ATF7IP: variants seen among roughly 807,000 people sequenced by gnomAD.
ATF7IP encodes activating transcription factor 7-interacting protein 1.
ATF7IP carries 23 observed loss-of-function variants against 106.4 expected under a neutral mutation model. That is an observed-to-expected ratio of 0.22 (90% CI 0.16 to 0.31). ATF7IP has a LOEUF of 0.31. ATF7IP is among the 10% of genes least tolerant of loss of function. The pLI is 1.00. For synonymous variants in ATF7IP, 542 were observed against 539.0 expected (o/e 1.01, Z -0.08); for missense variants, 1,334 against 1,524.3 (o/e 0.88, Z 2.08).
intron 12 of ATF7IP, among the ~76,000 whole-genome samples, chr12:14,480,117 T>TAA (rs1944387425): frequency 6.6e-6 from 1 of 152,130 alleles, no homozygotes; most frequent in Non-Finnish European, 1.5e-5. Flanking sequence ...AAAGAAACCG[T>TAA]TTTATCTTTG....
At chr12:14,394,431 C>T (rs1371967548) in intron 1 of ATF7IP, among the ~76,000 whole-genome samples, 4 of 151,982 alleles carry the variant, frequency 2.6e-5, no homozygotes, top group Non-Finnish European at 5.9e-5. Flanking sequence ...GATTTGAATT[C>T]TATTCAAATA....
chr12:14,405,806 C>T (rs1940548786), intron 1 of ATF7IP, among the ~76,000 whole-genome samples: 1 of 152,068 alleles, frequency 6.6e-6, no homozygotes, highest in Admixed American at 6.6e-5. Context: ...GGGTGAAGTT[C>T]CTGGAACTCT....
intron 1 of ATF7IP, among the ~76,000 whole-genome samples, chr12:14,368,290 CTT>C (rs1180959652): frequency 6.6e-6 from 1 of 151,960 alleles, no homozygotes. Flanking sequence ...CATTTCTACT[CTT>C]TTAATGTTAT....
intron 6 of ATF7IP, among the ~76,000 whole-genome samples, chr12:14,452,017 T>C (rs1032712267): frequency 1.3e-5 from 2 of 152,126 alleles, no homozygotes; most frequent in Non-Finnish European, 2.9e-5. Flanking sequence ...TCAATGTTTG[T>C]TTCATATATT....
chr12:14,438,135 A>G lies in ATF7IP; in HGVS notation c.1797A>G (p.Ile599Met). The G allele has an allele frequency of 6.2e-7, 1 of 1,613,004 alleles. No individual in the cohort carries two copies. Among genetic ancestry groups the G allele is most frequent in the Non-Finnish European group, 8.5e-7 (1 of 1,179,786 alleles). ...AGGAATATTTGTTTCTTTAGGTTAT[A>G]CAGTGGTTGCTGGAAGAAAAATTGT... is the stretch of plus-strand genomic sequence containing the variant. ...GDINQKLQKV[I>M]QWLLEEKLCA... is the part of the protein sequence containing the mutation. Residue 599 changes from isoleucine (I) to methionine (M), a missense_variant, in exon 5 of 15, where the codon ATA becomes ATG. Transcript: ENST00000261168.
intron 5 of ATF7IP, among the ~76,000 whole-genome samples, chr12:14,440,890 G>A (rs1423368035): frequency 6.6e-6 from 1 of 152,104 alleles, no homozygotes; most frequent in Non-Finnish European, 1.5e-5. Flanking sequence ...ATCTGTGTTT[G>A]TAGCATGTAT....
chr12:14,440,475 GTCCTACAGGGTACTA>G (rs757457567), intron 5 of ATF7IP, among the ~76,000 whole-genome samples: 1 of 152,050 alleles, frequency 6.6e-6, no homozygotes, highest in Non-Finnish European at 1.5e-5. Context: ...TTGCTTCACT[GTCCTACAGGGTACTA>G]TTAATGTTTA....
intron 13 of ATF7IP, among the ~76,000 whole-genome samples, chr12:14,494,875 G>A (rs1441390340): frequency 6.9e-6 from 1 of 145,588 alleles, no homozygotes; most frequent in African/African-American, 2.5e-5. Context: ...GGAGGTTGCA[G>A]TGAGCCGAGA....
chr12:14,434,501 T>A, intron 3 of ATF7IP, 78 bp downstream of exon 3: 1 of 962,898 alleles, frequency 1.0e-6, no homozygotes, highest in South Asian at 1.5e-5. Flanking sequence ...CGTGTAATAT[T>A]CTTTTTTGCC....
chr12:14,490,512 A>G (rs571051681), intron 13 of ATF7IP, among the ~76,000 whole-genome samples: 23 of 152,188 alleles, frequency 1.5e-4, no homozygotes, highest in Non-Finnish European at 2.9e-4. Flanking sequence ...GCACTGCTCC[A>G]AGTTCTGCCC....
At chr12:14,494,474 T>C (rs1272373419) in intron 13 of ATF7IP, among the ~76,000 whole-genome samples, 1 of 145,254 alleles carries the variant, frequency 6.9e-6, no homozygotes, top group Admixed American at 6.9e-5. Context: ...ACATAAAATA[T>C]ATACTACATA....
At chr12:14,494,703 C>T (rs1340642994) in intron 13 of ATF7IP, among the ~76,000 whole-genome samples, 2 of 151,206 alleles carry the variant, frequency 1.3e-5, no homozygotes, top group African/African-American at 4.8e-5. Flanking sequence ...GAGGCCAAGG[C>T]AGGCAGATCA....
chr12:14,379,487 C>G lies in ATF7IP; in HGVS notation c.-8+13660C>G, dbSNP rs139557779. Reference sequence around the variant, plus strand: ...TTTCCTTCACCTGTCTTCTAGGACCCTTGTTTTCCAAATGCTATGTCTTTT... The same window carrying G: ...TTTCCTTCACCTGTCTTCTAGGACCGTTGTTTTCCAAATGCTATGTCTTTT... On this transcript the variant is annotated intron_variant, in intron 1 of 14. Transcript: ENST00000261168. Among the ~76,000 whole-genome samples the G allele has an allele frequency of 2.0e-5, 3 of 152,072 alleles. No homozygotes were observed. In the East Asian group the frequency reaches 5.8e-4, roughly 29 times the overall value.
At chr12:14,387,642 T>C (rs1246707983) in intron 1 of ATF7IP, among the ~76,000 whole-genome samples, 1 of 152,182 alleles carries the variant, frequency 6.6e-6, no homozygotes, top group Non-Finnish European at 1.5e-5. Context: ...GCTAATTCTT[T>C]CCCTGCTGTG....
intron 1 of ATF7IP, among the ~76,000 whole-genome samples, chr12:14,392,242 T>C (rs1319409712): frequency 6.6e-6 from 1 of 151,164 alleles, no homozygotes; most frequent in African/African-American, 2.5e-5. Flanking sequence ...TTTCTTTTTT[T>C]TCTTTTAAAA....
At chr12:14,486,017 C>T (rs1944597766) in intron 13 of ATF7IP, among the ~76,000 whole-genome samples, 1 of 152,198 alleles carries the variant, frequency 6.6e-6, no homozygotes, top group African/African-American at 2.4e-5. Context: ...TTAGAGGCAG[C>T]TCTAATGGCT....
At chr12:14,380,494 C>T (rs1412202022) in intron 1 of ATF7IP, among the ~76,000 whole-genome samples, 1 of 152,218 alleles carries the variant, frequency 6.6e-6, no homozygotes, top group Non-Finnish European at 1.5e-5. Flanking sequence ...AGGGAATAGT[C>T]TTCCATTTTT....
chr12:14,397,344 G>A (rs1939908914), intron 1 of ATF7IP, among the ~76,000 whole-genome samples: 1 of 152,178 alleles, frequency 6.6e-6, no homozygotes, highest in Admixed American at 6.5e-5. Context: ...TATTTAGCAA[G>A]CAATGTAGAA....
intron 5 of ATF7IP, among the ~76,000 whole-genome samples, chr12:14,441,314 G>A (rs1226094234): frequency 6.6e-6 from 1 of 151,956 alleles, no homozygotes; most frequent in African/African-American, 2.4e-5. Flanking sequence ...GTTTTGATTT[G>A]CATTTCCCTA....
Sources: gnomAD v4.1 joint callset for allele counts (sites outside exome capture counted in the v4.1 genomes callset) on GRCh38, gnomAD v4.1.1 for gene constraint, MANE v1.5 for transcripts, NCBI Gene and HGNC (gene_info 2026-07-23, HGNC 2026-07-21) for gene names.